The following NPAS3 variants were observed in gnomAD, a reference collection of about 807,000 sequenced individuals.
NPAS3 encodes neuronal PAS domain protein 3.
Under a neutral mutation model 73.1 loss-of-function variants are expected in NPAS3, and 14 were observed. The ratio of observed to expected loss-of-function variants is 0.19; its 90% CI spans 0.13 to 0.30. NPAS3 has a LOEUF of 0.30. NPAS3 is among the 10% of genes least tolerant of loss of function. The probability of loss-of-function intolerance (pLI) is 1.00; values close to 1 mark genes in which losing one functional copy is unlikely to be tolerated. For synonymous variants in NPAS3, 620 were observed against 541.5 expected, an observed-to-expected ratio of 1.14 and a Z score of -2.01; for missense variants, 1,096 against 1,250.0, an observed-to-expected ratio of 0.88 and a Z score of 1.86.
intron 4 of NPAS3, among the ~76,000 whole-genome samples, chr14:33,439,975 G>A (rs1186944615): frequency 6.6e-6 from 1 of 152,092 alleles, no homozygotes; most frequent in East Asian, 1.9e-4. Flanking sequence ...AATTAGCTAG[G>A]CGTGGTGGCG....
At chr14:33,137,432 T>A (rs570554880) in intron 2 of NPAS3, among the ~76,000 whole-genome samples, 1 of 152,318 alleles carries the variant, frequency 6.6e-6, no homozygotes, top group Non-Finnish European at 1.5e-5. Flanking sequence ...ATTATTATTA[T>A]TTTCTTGAAG....
At chr14:33,692,330 A>T (rs1176370576) in intron 6 of NPAS3, among the ~76,000 whole-genome samples, 1 of 152,164 alleles carries the variant, frequency 6.6e-6, no homozygotes, top group African/African-American at 2.4e-5. Flanking sequence ...ATAAAAGAAC[A>T]TCTATTTTAG....
intron 6 of NPAS3, among the ~76,000 whole-genome samples, chr14:33,676,787 A>G (rs1311462462): frequency 6.6e-6 from 1 of 152,250 alleles, no homozygotes; most frequent in East Asian, 1.9e-4. Flanking sequence ...TAAAAGTATC[A>G]GGGACTTGTA....
intron 3 of NPAS3, among the ~76,000 whole-genome samples, chr14:33,346,732 A>G (rs2044754824): frequency 6.6e-6 from 1 of 152,172 alleles, no homozygotes; most frequent in Non-Finnish European, 1.5e-5. Context: ...TATACCCATC[A>G]TGGAACCCAG....
chr14:33,602,928 A>C (rs1044534539), intron 5 of NPAS3, among the ~76,000 whole-genome samples: 3 of 152,188 alleles, frequency 2.0e-5, no homozygotes, highest in Admixed American at 6.5e-5. Context: ...AACAAATCTC[A>C]GTGATATTTC....
chr14:33,213,839 C>G (rs1438726560), intron 2 of NPAS3: 5 of 152,134 alleles, frequency 3.3e-5, no homozygotes, highest in Non-Finnish European at 7.3e-5. Flanking sequence ...TATGGCATTA[C>G]TTAGATTACA....
rs1157814928 is a variant in NPAS3 at position 33,591,146 on chromosome 14, C to T, written c.558+30936C>T. On this transcript the variant is annotated intron_variant, in intron 5 of 11. Transcript: ENST00000356141. The stretch of plus-strand genomic sequence containing the variant: ...CACAGCTTCCTGAGGAGCAAGTTTC[C>T]TTCACTTCTCCCTTTGTTTTAATGA... 2.6e-5 allele frequency among the ~76,000 whole-genome samples: 4 copies of T among 152,134 alleles called. No individual in the cohort carries two copies. The East Asian group carries it at 7.7e-4, about 29-fold the overall frequency.
chr14:33,568,672 C>T (rs553988176), intron 5 of NPAS3, among the ~76,000 whole-genome samples: 1 of 152,278 alleles, frequency 6.6e-6, no homozygotes, highest in East Asian at 1.9e-4. Flanking sequence ...CACATTCAAT[C>T]TATATTGGGT....
rs114075233 is a variant in NPAS3, at chr14:33,111,072, G to A, written c.140+55078G>A. On this transcript the variant is annotated intron_variant, in intron 2 of 11. Coordinates refer to ENST00000356141, the Ensembl canonical transcript of NPAS3. ...CTCTGAAGAGGAGAGGGATGAGGCT[G>A]ATCCTGCAAGTGCTGGAAAAACTGC... Among the ~76,000 whole-genome samples, 453 of 152,304 alleles carry A rather than the reference G, an allele frequency of 3.0e-3. 2 individuals are homozygous for A. Among genetic ancestry groups the A allele is most frequent in the African/African-American group, 0.01 (430 of 41,564 alleles).
chr14:33,058,357 G>C (rs1409739217), intron 2 of NPAS3, among the ~76,000 whole-genome samples: 2 of 152,178 alleles, frequency 1.3e-5, no homozygotes, highest in Admixed American at 6.5e-5. Context: ...CTAGCTTTCA[G>C]TGTCAAACCA....
intron 5 of NPAS3, among the ~76,000 whole-genome samples, chr14:33,595,178 A>C (rs2057197813): frequency 6.6e-6 from 1 of 152,308 alleles, no homozygotes; most frequent in Admixed American, 6.5e-5. Flanking sequence ...ATGGGGCAGT[A>C]GTTTTGCTTC....
At chr14:33,410,448 A>G (rs1434891633) in intron 4 of NPAS3, among the ~76,000 whole-genome samples, 3 of 152,086 alleles carry the variant, frequency 2.0e-5, no homozygotes, top group Admixed American at 6.6e-5. Context: ...GTGCTAGTTG[A>G]TTCAATTCAT....
Position 33,298,766 on chromosome 14 carries a change from C to A in NPAS3, c.386-68420C>A, listed in dbSNP as rs750810849. Among the ~76,000 whole-genome samples the A allele has an allele frequency of 2.5e-4, 38 of 152,230 alleles. 2 individuals are homozygous for A. Among genetic ancestry groups the A allele is most frequent in the Admixed American group, 1.8e-3 (27 of 15,292 alleles). On this transcript the variant is annotated intron_variant, in intron 3 of 11. Coordinates refer to ENST00000356141, the Ensembl canonical transcript of NPAS3. ...AAGTGATATTTGACATTCTTTTCCA[C>A]GTAAATAACAAAGGCAATAAATATT...
intron 4 of NPAS3, among the ~76,000 whole-genome samples, chr14:33,381,700 G>A (rs1214227113): frequency 6.6e-6 from 1 of 152,176 alleles, no homozygotes; most frequent in Non-Finnish European, 1.5e-5. Flanking sequence ...TTTTACAATG[G>A]AAGTTTTTCA....
chr14:33,103,659 AGAG>A (rs1231072660), intron 2 of NPAS3, among the ~76,000 whole-genome samples: 2 of 152,190 alleles, frequency 1.3e-5, no homozygotes, highest in African/African-American at 4.8e-5. Flanking sequence ...ACTCAGTCAT[AGAG>A]GAGCAGCACT....
chr14:33,734,184 C>T (rs1386839498), intron 6 of NPAS3, among the ~76,000 whole-genome samples: 1 of 152,050 alleles, frequency 6.6e-6, no homozygotes, highest in African/African-American at 2.4e-5. Flanking sequence ...GAAAGAAATC[C>T]TGTTTCTTGG....
At chr14:33,168,031 G>T (rs868652184) in intron 2 of NPAS3, among the ~76,000 whole-genome samples, 2,986 of 151,638 alleles carry the variant, frequency 0.02, 36 homozygotes, top group Middle Eastern at 0.056. Context: ...TTTGTGGCTT[G>T]TTTTTTCATT....
chr14:33,537,211 A>G (rs1056943986), intron 4 of NPAS3, among the ~76,000 whole-genome samples: 4 of 152,188 alleles, frequency 2.6e-5, no homozygotes, highest in Admixed American at 6.5e-5. Context: ...CTTAAGATCA[A>G]TAAATGAGTA....
At position 33,692,836 on chromosome 14, in the gene NPAS3, T is replaced by TAAAAA. The variant is rs34684535; in HGVS notation, c.733+16474_733+16478dup. ...CAAGTGTTTAAGTAGCCCAATGTCT[T>TAAAAA]AAAAAAAAAAAAAAAAAAAAAAAAA... is the stretch of plus-strand genomic sequence containing the variant. On this transcript the variant is annotated intron_variant, in intron 6 of 11. Coordinates refer to ENST00000356141, the Ensembl canonical transcript of NPAS3. Among the ~76,000 whole-genome samples, 253 of 64,038 alleles carry TAAAAA rather than the reference T, an allele frequency of 4.0e-3. 23 individuals carry two copies. Among genetic ancestry groups the TAAAAA allele is most frequent in the East Asian group, 0.027 (39 of 1,430 alleles). 42.0% of individuals were successfully genotyped at this position (64,038 alleles called of 152,430 possible).
Sources: gnomAD v4.1 joint callset for allele counts (sites outside exome capture counted in the v4.1 genomes callset) on GRCh38, gnomAD v4.1.1 for gene constraint, MANE v1.5 for transcripts, NCBI Gene and HGNC (gene_info 2026-07-23, HGNC 2026-07-21) for gene names.